RIMBP2: variants seen among roughly 807,000 people sequenced by gnomAD.
RIMBP2 encodes RIMS-binding protein 2.
Under a neutral mutation model 118.6 loss-of-function variants are expected in RIMBP2, and 48 were observed. That is an observed-to-expected ratio of 0.40 (90% CI 0.32 to 0.51). The LOEUF (loss-of-function observed/expected upper bound fraction) is 0.51, where lower values mean the gene tolerates loss of function less well. Among genes scored for constraint, RIMBP2 ranks in the 20% least tolerant of loss-of-function variants. The pLI is 0.41. For missense variants in RIMBP2, 1,551 were observed against 1,768.3 expected, an observed-to-expected ratio of 0.88 and a Z score of 2.20; for synonymous variants, 762 against 742.9, an observed-to-expected ratio of 1.03 and a Z score of -0.42.
intron 19 of RIMBP2, among the ~76,000 whole-genome samples, chr12:130,411,408 G>A (rs1056145865): frequency 5.3e-5 from 8 of 152,128 alleles, no homozygotes; most frequent in African/African-American, 1.2e-4. Flanking sequence ...AGTGGTGAGG[G>A]CCGACATCCT....
At chr12:130,405,060 A>C (rs527350970) in intron 21 of RIMBP2, among the ~76,000 whole-genome samples, 1 of 152,208 alleles carries the variant, frequency 6.6e-6, no homozygotes, top group African/African-American at 2.4e-5. Context: ...GTGGAAAGTG[A>C]AACTATAAAA....
rs1406276523 is a variant in RIMBP2 at position 130,428,293 on chromosome 12, C to A, written c.2298G>T (p.Arg766=). ...HGDEYHTESS[R]GSDLSDIMEE... is the part of the protein sequence containing the mutation. ...CCATGATGTCTGAGAGGTCAGACCCCCGGCTGCTCTCTGTGTGGTACTCGT... is the reference window on the plus strand; with the variant it reads ...CCATGATGTCTGAGAGGTCAGACCCACGGCTGCTCTCTGTGTGGTACTCGT... The change falls in exon 15 of 23, where the codon CGG becomes CGT. Residue 766 remains arginine, a synonymous_variant. Coordinates refer to ENST00000690449, the MANE Select transcript of RIMBP2 (RefSeq NM_001393629.1). 1 of 1,612,878 alleles carries A rather than the reference C, an allele frequency of 6.2e-7. No homozygotes were observed. Among genetic ancestry groups the A allele is most frequent in the East Asian group, 2.2e-5 (1 of 44,780 alleles).
intron 1 of RIMBP2, among the ~76,000 whole-genome samples, chr12:130,672,206 C>G (rs998493129): frequency 6.6e-6 from 1 of 152,228 alleles, no homozygotes; most frequent in Non-Finnish European, 1.5e-5. Context: ...TCAAAATGCT[C>G]TGCTCTAATT....
intron 17 of RIMBP2, among the ~76,000 whole-genome samples, chr12:130,415,715 T>C (rs1284574948): frequency 6.6e-6 from 1 of 151,432 alleles, no homozygotes; most frequent in African/African-American, 2.4e-5. Flanking sequence ...TCAAATTATC[T>C]CTCTTCACTG....
At position 130,525,006 on chromosome 12, in the gene RIMBP2, T is replaced by G. The variant is rs558051828; in HGVS notation, c.-216-7089A>C. Among the ~76,000 whole-genome samples the G allele has an allele frequency of 1.3e-5, 2 of 152,284 alleles. No individual in the cohort carries two copies. The highest frequency in any genetic ancestry group is 1.3e-4 in the Admixed American group (2 of 15,302). ...AATGCTCAGGGGACAGGTCCCCACA[T>G]GGCCCAGAGCTCAGGAAGGAGAGCC... On this transcript the variant is annotated intron_variant, in intron 2 of 22. Coordinates refer to ENST00000690449, the MANE Select transcript of RIMBP2 (RefSeq NM_001393629.1). This position sits in a 1 kb window ranked among gnomAD's most constrained non-coding sequence, Gnocchi z 4.4.
intron 10 of RIMBP2, 75 bp downstream of exon 10, chr12:130,445,085 A>T: frequency 1.1e-6 from 1 of 924,648 alleles, no homozygotes; most frequent in Non-Finnish European, 1.6e-6. Context: ...CCTATCTATC[A>T]GGCCCCTGGA....
At chr12:130,534,165 T>TAAA (rs35683242) in intron 2 of RIMBP2, among the ~76,000 whole-genome samples, 1 of 95,212 alleles carries the variant, frequency 1.1e-5, no homozygotes, top group South Asian at 4.0e-4. Context: ...AACTCCATCT[T>TAAA]AAAAAAAAAA....
At chr12:130,449,398 C>G (rs1365429124) in intron 9 of RIMBP2, among the ~76,000 whole-genome samples, 1 of 152,250 alleles carries the variant, frequency 6.6e-6, no homozygotes, top group Non-Finnish European at 1.5e-5. Context: ...CGGGACAAAA[C>G]TGGCTCATTA....
chr12:130,594,757 T>G (rs2059457756), intron 2 of RIMBP2, among the ~76,000 whole-genome samples: 1 of 152,186 alleles, frequency 6.6e-6, no homozygotes, highest in Admixed American at 6.5e-5. Flanking sequence ...TATGTACATG[T>G]CTATGATTTA....
At chr12:130,700,482 TG>T (rs1221988315) in intron 1 of RIMBP2, among the ~76,000 whole-genome samples, 1 of 152,106 alleles carries the variant, frequency 6.6e-6, no homozygotes, top group Non-Finnish European at 1.5e-5. Flanking sequence ...GGGATCATGC[TG>T]GGTCAGGGGC....
At chr12:130,455,447 G>A (rs2079350887) in intron 7 of RIMBP2, among the ~76,000 whole-genome samples, 1 of 152,212 alleles carries the variant, frequency 6.6e-6, no homozygotes, top group Non-Finnish European at 1.5e-5. Flanking sequence ...TGCAGCCTGG[G>A]TGTCGTGAGT....
At chr12:130,433,586 GA>G (rs1324879725) in intron 14 of RIMBP2, among the ~76,000 whole-genome samples, 2 of 152,148 alleles carry the variant, frequency 1.3e-5, no homozygotes, top group Non-Finnish European at 2.9e-5. Flanking sequence ...ACACATCACT[GA>G]TAAGCCATTC....
chr12:130,480,283 T>C (rs1008214836), intron 4 of RIMBP2, among the ~76,000 whole-genome samples: 1 of 152,154 alleles, frequency 6.6e-6, no homozygotes, highest in Admixed American at 6.5e-5. Context: ...GTCTTTTATA[T>C]AAAAGACCAG....
intron 15 of RIMBP2, chr12:130,425,153 G>A (rs764543456): frequency 2.0e-4 from 58 of 294,390 alleles, no homozygotes; most frequent in South Asian, 3.3e-4. Context: ...AGATCCCGGC[G>A]GCACATCAGG....
intron 1 of RIMBP2, among the ~76,000 whole-genome samples, chr12:130,687,476 A>G (rs2065109219): frequency 6.6e-6 from 1 of 152,216 alleles, no homozygotes; most frequent in South Asian, 2.1e-4. Flanking sequence ...TTTATAAACT[A>G]AAGGAAAACT....
Position 130,422,471 on chromosome 12 carries a change from C to T in RIMBP2, c.3220G>A (p.Val1074Met), listed in dbSNP as rs372504138. 55 of 1,611,290 alleles carry T rather than the reference C, an allele frequency of 3.4e-5. No individual in the cohort carries two copies. The highest frequency in any genetic ancestry group is 1.3e-4 in the Admixed American group (8 of 59,938). ...CACTAACCGATGGATGGGACTGTCA[C>T]GGGCCGGGACCTCTGAGGACCAGCG... ...GSAGPQRSRPVTVPSIDDYGR... is the reference protein window; with the variant it reads ...GSAGPQRSRPMTVPSIDDYGR... Residue 1074 changes from valine to methionine, a missense_variant, in exon 17 of 23, where the codon GTG becomes ATG. Physicochemically the swap from Val to Met is conservative, Grantham distance 21 (BLOSUM62 1). Coordinates refer to ENST00000690449, the MANE Select transcript of RIMBP2 (RefSeq NM_001393629.1). This position sits in a 1 kb window ranked among gnomAD's most constrained non-coding sequence, Gnocchi z 5.2.
chr12:130,411,865 T>C (rs774806403), intron 19 of RIMBP2, among the ~76,000 whole-genome samples: 1 of 152,162 alleles, frequency 6.6e-6, no homozygotes, highest in Non-Finnish European at 1.5e-5. Flanking sequence ...TCCTTAAAAT[T>C]ATGTATATTC....
chr12:130,564,897 GAAC>G (rs2057105630), intron 2 of RIMBP2, among the ~76,000 whole-genome samples: 1 of 152,082 alleles, frequency 6.6e-6, no homozygotes, highest in Non-Finnish European at 1.5e-5. Flanking sequence ...CACACACACA[GAAC>G]AACAAGGAAA....
intron 1 of RIMBP2, among the ~76,000 whole-genome samples, chr12:130,647,427 GGAGATGTTT>G (rs2063041169): frequency 1.8e-5 from 2 of 109,346 alleles, no homozygotes; most frequent in Non-Finnish European, 2.4e-5. Flanking sequence ...GTTAGAGTCA[GGAGATGTTT>G]GCTTCCCTAT....
Sources: gnomAD v4.1 joint callset for allele counts (sites outside exome capture counted in the v4.1 genomes callset) on GRCh38, gnomAD v4.1.1 for gene constraint, Gnocchi (gnomAD v3.1) non-coding constraint, MANE v1.5 for transcripts, NCBI Gene and HGNC (gene_info 2026-07-23, HGNC 2026-07-21) for gene names.